Variants in SNAPC5 observed in about 807,000 individuals in gnomAD.
The protein encoded by SNAPC5 is small nuclear RNA activating complex polypeptide 5.
SNAPC5 carries 12 observed loss-of-function variants against 9.1 expected under a neutral mutation model. The observed-to-expected ratio is 1.32, with a 90% confidence interval of 0.85 to 2.15. SNAPC5 has a LOEUF of 2.15. SNAPC5 is among the 30% of genes most tolerant of loss of function. The pLI, the probability that SNAPC5 is intolerant of heterozygous loss-of-function variation, is 0.00. For missense variants in SNAPC5, 132 were observed against 114.4 expected (o/e 1.15, Z -0.70); for synonymous variants, 52 against 47.3 (o/e 1.10, Z -0.41).
chr15:66,491,918 T>C (rs1014527653), downstream of SNAPC5: 18 of 453,928 alleles, frequency 4.0e-5, no homozygotes, highest in Non-Finnish European at 7.5e-5. Context: ...ATTTTCCATA[T>C]ACCAATAGTT....
At chr15:66,494,676 G>A (rs1256990801) in intron 2 of SNAPC5, 124 bp from the exon 3 acceptor site, 1 of 659,926 alleles carries the variant, frequency 1.5e-6, no homozygotes, top group East Asian at 2.6e-5. Flanking sequence ...ATGACTAAGA[G>A]GTATGGCCAC....
rs143501559 is a variant in SNAPC5 at position 66,493,654 on chromosome 15, CAAACA to C, written c.*777_*781del. 0.31 allele frequency: 46,687 copies of C among 151,540 alleles called. 7,522 individuals are homozygous for C. The highest frequency in any genetic ancestry group is 0.4 in the Admixed American group (6,021 of 15,214). 9.4% of individuals were successfully genotyped at this position (151,540 alleles called of 1,614,324 possible). ...GGGCAATAAGAGTGAAACTCCGTCT[CAAACA>C]AAACAAAACAAAAAACAAAACAAAA... On this transcript the variant is annotated 3_prime_UTR_variant, in exon 3 of 3. Coordinates refer to ENST00000316634, the MANE Select transcript of SNAPC5 (RefSeq NM_001329615.2).
rs200539325 is a variant in SNAPC5 at position 66,497,645 on chromosome 15, G to A, written c.87C>T (p.Leu29=). The A allele has an allele frequency of 2.5e-5, 41 of 1,613,972 alleles. No homozygotes were observed. The highest frequency in any genetic ancestry group is 3.3e-5 in the Non-Finnish European group (39 of 1,179,858). ...CAGGAGAGGGCCGCGGGGTCACCTT[G>A]AGGCGGTTCAGCTGGTCGTGCAGGG... ...KAALHDQLNR[L]KVEELALQSM... is the part of the protein sequence containing the mutation. Residue 29 remains leucine (L), a synonymous_variant, in exon 1 of 3, where the codon CTC becomes CTT. Transcript: ENST00000316634.
downstream of SNAPC5, chr15:66,490,059 T>C (rs1893194849): frequency 3.6e-6 from 2 of 553,866 alleles, no homozygotes; most frequent in East Asian, 3.1e-5. Context: ...TCCCTAATAC[T>C]GACTGCCTCA....
At chr15:66,496,736 A>G (rs1356957230) in intron 1 of SNAPC5, among the ~76,000 whole-genome samples, 1 of 152,096 alleles carries the variant, frequency 6.6e-6, no homozygotes, top group Non-Finnish European at 1.5e-5. Context: ...CACGCCTGTA[A>G]TCTCAGCACT....
downstream of SNAPC5, chr15:66,490,168 T>C (rs1893200615): frequency 1.9e-6 from 1 of 514,454 alleles, no homozygotes; most frequent in Non-Finnish European, 3.5e-6. Flanking sequence ...TGGACAGCCA[T>C]AGACGGTGTA....
At position 66,493,883 on chromosome 15, in the gene SNAPC5, G is replaced by GT. The variant is rs1327835665; in HGVS notation, c.*552dup. ...TGAGTGATGTCTCAAGTGAGAGGTG[G>GT]TAACAGATACACAAAGCAGTTTATA... On this transcript the variant is annotated 3_prime_UTR_variant, in exon 3 of 3. Transcript: ENST00000316634. The GT allele has an allele frequency of 1.3e-5, 2 of 152,300 alleles. No individual in the cohort carries two copies. The highest frequency in any genetic ancestry group is 2.9e-5 in the Non-Finnish European group (2 of 68,142). The allele number at this position is 152,300 out of a possible 1,614,324, so 9.4% of individuals were successfully genotyped here.
At chr15:66,490,899 G>A, downstream of SNAPC5, 2 of 503,588 alleles carry the variant, frequency 4.0e-6, no homozygotes, top group South Asian at 4.1e-5. Context: ...GTGAAATTTT[G>A]GTGAATGTGG....
downstream of SNAPC5, chr15:66,490,452 GTTTT>G (rs756730939): frequency 2.9e-6 from 4 of 1,384,484 alleles, no homozygotes; most frequent in South Asian, 2.3e-5. Flanking sequence ...GGTGGGTTTT[GTTTT>G]TTTGTTTCTT....
chr15:66,490,164 G>A (rs1893200292), downstream of SNAPC5: 1 of 512,962 alleles, frequency 1.9e-6, no homozygotes, highest in Non-Finnish European at 3.5e-6. Flanking sequence ...TATCTGGACA[G>A]CCATAGACGG....
downstream of SNAPC5, among the ~76,000 whole-genome samples, chr15:66,493,184 T>C (rs758573895): frequency 6.6e-6 from 1 of 152,220 alleles, no homozygotes; most frequent in Non-Finnish European, 1.5e-5. Flanking sequence ...CTTGACATGA[T>C]TCTTTGTGTT....
downstream of SNAPC5, among the ~76,000 whole-genome samples, chr15:66,493,009 A>C (rs1893307214): frequency 1.3e-5 from 2 of 152,162 alleles, no homozygotes; most frequent in Admixed American, 1.3e-4. Context: ...ATGTACCTTG[A>C]TGCTTTTTGT....
chr15:66,491,143 C>T (rs954569648), downstream of SNAPC5: 1 of 289,988 alleles, frequency 3.4e-6, no homozygotes, highest in Admixed American at 4.7e-5. Context: ...ATTTGCTTTT[C>T]ATGTAGAACT....
downstream of SNAPC5, chr15:66,489,979 C>T (rs1893191145): frequency 1.6e-6 from 1 of 619,938 alleles, no homozygotes; most frequent in African/African-American, 1.8e-5. Context: ...AAGCATATGC[C>T]AGAGGAAATG....
downstream of SNAPC5, among the ~76,000 whole-genome samples, chr15:66,492,558 A>G (rs1469984056): frequency 6.6e-6 from 1 of 152,236 alleles, no homozygotes; most frequent in African/African-American, 2.4e-5. Context: ...TACAAATGAC[A>G]GGATACCACC....
intron 1 of SNAPC5, 97 bp downstream of exon 1, chr15:66,497,545 A>T (rs748719479): frequency 1.9e-6 from 2 of 1,045,298 alleles, no homozygotes; most frequent in Non-Finnish European, 3.0e-6. Context: ...GTAGCGGAGA[A>T]CTGGCCGCAG....
downstream of SNAPC5, chr15:66,490,480 C>T (rs2140686765): frequency 6.6e-7 from 1 of 1,516,544 alleles, no homozygotes; most frequent in East Asian, 2.3e-5. Flanking sequence ...AACACCACGT[C>T]CTCTCGTTTC....
At chr15:66,495,107 G>C in intron 2 of SNAPC5, 1 of 554,248 alleles carries the variant, frequency 1.8e-6, no homozygotes, top group South Asian at 2.2e-5. Context: ...GGAGGATGGA[G>C]GTAAAACATT....
At chr15:66,491,971 G>A (rs779067821), downstream of SNAPC5, 51 of 456,554 alleles carry the variant, frequency 1.1e-4, no homozygotes, top group Non-Finnish European at 2.2e-4. Context: ...CATGCTCATA[G>A]GAGGGCCTTG....
Sources: allele counts gnomAD v4.1 joint callset (sites outside exome capture counted in the v4.1 genomes callset), GRCh38; gene constraint gnomAD v4.1.1; transcripts MANE v1.5; gene names NCBI Gene and HGNC (gene_info 2026-07-23, HGNC 2026-07-21).